PDE3A: variants seen among roughly 807,000 people sequenced by gnomAD.
PDE3A encodes the protein cGMP-inhibited 3',5'-cyclic phosphodiesterase 3A.
Under a neutral mutation model 98.3 loss-of-function variants are expected in PDE3A, and 43 were observed. The ratio of observed to expected loss-of-function variants is 0.44; its 90% CI spans 0.34 to 0.56. PDE3A has a LOEUF of 0.56. PDE3A is among the 20% of genes least tolerant of loss of function. The pLI is 0.01. For synonymous variants in PDE3A, 663 were observed against 567.9 expected (o/e 1.17, Z -2.38); for missense variants, 1,427 against 1,440.7 (o/e 0.99, Z 0.15).
rs1316586535 is a variant in PDE3A at position 20,369,153 on chromosome 12, A to G, written c.-132A>G. ...AGTGGATTGTGGGCCTGGGGAGAAGAAGGATTCCGAGGGTGGAATTGGGAA... is the reference window on the plus strand; with the variant it reads ...AGTGGATTGTGGGCCTGGGGAGAAGGAGGATTCCGAGGGTGGAATTGGGAA... On this transcript the variant is annotated 5_prime_UTR_variant, in exon 1 of 16. Transcript: ENST00000359062. 1 of 599,626 alleles carries G rather than the reference A, an allele frequency of 1.7e-6. No homozygotes were observed. The highest frequency in any genetic ancestry group is 2.9e-5 in the East Asian group (1 of 34,204). 37.1% of individuals were successfully genotyped at this position (599,626 alleles called of 1,614,324 possible).
In PDE3A at chr12:20,635,026, C is replaced by G. The variant is rs745412482; in HGVS notation, c.1971C>G (p.Ser657Arg). ...REPLRKASAC[S>R]TYAPETMMFL... ...CTCTGAGGAAAGCATCGGCTTGCAG[C>G]ACCTATGCTCCTGAGACCATGATGT... The change falls in exon 8 of 16, where the codon AGC (serine) becomes AGG (arginine). Residue 657 changes from serine (S) to arginine (R), a missense_variant. By Grantham distance (110) the Ser-to-Arg change is moderately radical. This residue lies in a region of PDE3A where 1,012 missense variants were observed against 886.5 expected (regional missense o/e 1.14). Coordinates refer to ENST00000359062, the MANE Select transcript of PDE3A (RefSeq NM_000921.5). 1 of 1,613,610 alleles carries G rather than the reference C, an allele frequency of 6.2e-7. No individual in the cohort carries two copies. Among genetic ancestry groups the G allele is most frequent in the Admixed American group, 1.7e-5 (1 of 59,974 alleles).
intron 2 of PDE3A, among the ~76,000 whole-genome samples, chr12:20,592,513 G>A (rs1943364195): frequency 6.6e-6 from 1 of 152,050 alleles, no homozygotes; most frequent in Non-Finnish European, 1.5e-5. Flanking sequence ...TGATGTATGT[G>A]TGCTGTTATT....
At chr12:20,675,932 C>T (rs1945625912) in intron 15 of PDE3A, among the ~76,000 whole-genome samples, 1 of 152,172 alleles carries the variant, frequency 6.6e-6, no homozygotes, top group Non-Finnish European at 1.5e-5. Context: ...AATCAATTCA[C>T]CCATTCTATG....
At chr12:20,418,042 A>G (rs1944451285) in intron 1 of PDE3A, among the ~76,000 whole-genome samples, 1 of 151,970 alleles carries the variant, frequency 6.6e-6, no homozygotes, top group Non-Finnish European at 1.5e-5. Flanking sequence ...GAGCTATTCT[A>G]GTTTTCCTAG....
intron 15 of PDE3A, among the ~76,000 whole-genome samples, chr12:20,668,982 A>G (rs1188380273): frequency 2.0e-5 from 3 of 149,892 alleles, no homozygotes; most frequent in African/African-American, 7.4e-5. Flanking sequence ...AACTAGAATA[A>G]CCAATACAGA....
chr12:20,514,025 T>C (rs1478816050), intron 1 of PDE3A, among the ~76,000 whole-genome samples: 2 of 152,356 alleles, frequency 1.3e-5, no homozygotes, highest in Admixed American at 6.5e-5. Flanking sequence ...ACACTTGCAG[T>C]GGCTTCCAAC....
At chr12:20,449,098 C>T (rs1015072053) in intron 1 of PDE3A, among the ~76,000 whole-genome samples, 14 of 152,176 alleles carry the variant, frequency 9.2e-5, no homozygotes, top group African/African-American at 3.4e-4. Flanking sequence ...TATTGCATAG[C>T]AGCCAATGTG....
At chr12:20,528,385 C>T (rs889605120) in intron 1 of PDE3A, among the ~76,000 whole-genome samples, 7 of 152,130 alleles carry the variant, frequency 4.6e-5, no homozygotes, top group African/African-American at 7.2e-5. Flanking sequence ...GGTGACAATT[C>T]GGTAGTTGCC....
intron 1 of PDE3A, among the ~76,000 whole-genome samples, chr12:20,483,928 T>C (rs1945676297): frequency 6.6e-6 from 1 of 152,228 alleles, no homozygotes; most frequent in African/African-American, 2.4e-5. Context: ...GTAAGACTTG[T>C]CTATAGGGCT....
At chr12:20,398,444 C>T (rs139176656) in intron 1 of PDE3A, among the ~76,000 whole-genome samples, 1 of 151,880 alleles carries the variant, frequency 6.6e-6, no homozygotes, top group African/African-American at 2.4e-5. Context: ...TTAACCTTGC[C>T]AATACTGTTT....
intron 1 of PDE3A, among the ~76,000 whole-genome samples, chr12:20,479,733 G>A (rs538229777): frequency 1.3e-5 from 2 of 152,300 alleles, no homozygotes; most frequent in South Asian, 2.1e-4. Context: ...TGGGCAAGAG[G>A]CTTCTGCAGC....
chr12:20,368,815 A>G lies in PDE3A; in HGVS notation c.-470A>G, dbSNP rs1943395739. Among the ~76,000 whole-genome samples the G allele has an allele frequency of 6.6e-6, 1 of 151,834 alleles. No homozygotes were observed. Among genetic ancestry groups the G allele is most frequent in the Non-Finnish European group, 1.5e-5 (1 of 67,944 alleles). ...GGCCCGGCGCGCTGCAGCGCAGCGC[A>G]GCGCCGAGCTGCGCCTCGGAATGGC... is the stretch of plus-strand genomic sequence containing the variant. On this transcript the variant is annotated 5_prime_UTR_variant, in exon 1 of 16. Transcript: ENST00000359062.
chr12:20,633,527 A>T (rs888159664), intron 6 of PDE3A, among the ~76,000 whole-genome samples, 166 bp from the exon 7 acceptor site: 1 of 152,234 alleles, frequency 6.6e-6, no homozygotes, highest in Non-Finnish European at 1.5e-5. Flanking sequence ...TACACTGCAT[A>T]TCAGCATTTA....
chr12:20,611,616 T>G (rs1046354502), intron 2 of PDE3A, among the ~76,000 whole-genome samples: 1 of 151,912 alleles, frequency 6.6e-6, no homozygotes, highest in Non-Finnish European at 1.5e-5. Flanking sequence ...TTTACCATTA[T>G]TATTATAGTT....
chr12:20,675,922 A>G (rs1440191422), intron 15 of PDE3A, among the ~76,000 whole-genome samples: 4 of 152,168 alleles, frequency 2.6e-5, no homozygotes, highest in Admixed American at 2.6e-4. Flanking sequence ...CATGTTCTTT[A>G]ATCAATTCAC....
At chr12:20,388,571 A>G (rs1427520399) in intron 1 of PDE3A, among the ~76,000 whole-genome samples, 1 of 152,036 alleles carries the variant, frequency 6.6e-6, no homozygotes, top group Non-Finnish European at 1.5e-5. Flanking sequence ...CTTATAAAAC[A>G]TGTAGGAGGA....
chr12:20,462,278 G>A (rs1945264694), intron 1 of PDE3A, among the ~76,000 whole-genome samples: 1 of 152,108 alleles, frequency 6.6e-6, no homozygotes, highest in African/African-American at 2.4e-5. Flanking sequence ...ATCACTTGAG[G>A]TCAGGAGTTC....
At chr12:20,667,418 A>C (rs1167102602) in intron 15 of PDE3A, among the ~76,000 whole-genome samples, 3 of 152,108 alleles carry the variant, frequency 2.0e-5, no homozygotes, top group Non-Finnish European at 4.4e-5. Flanking sequence ...GGTCTTACTT[A>C]AGTCTTTAAT....
chr12:20,587,014 G>C (rs1192758004), intron 2 of PDE3A, among the ~76,000 whole-genome samples: 1 of 152,042 alleles, frequency 6.6e-6, no homozygotes, highest in Non-Finnish European at 1.5e-5. Context: ...AACAGGCTAG[G>C]TATTGTATTT....
Sources: allele counts gnomAD v4.1 joint callset (sites outside exome capture counted in the v4.1 genomes callset), GRCh38; gene constraint gnomAD v4.1.1; regional missense constraint gnomAD v4.1.1; transcripts MANE v1.5; gene names NCBI Gene and HGNC (gene_info 2026-07-23, HGNC 2026-07-21).